The following ACSS2 variants were observed in gnomAD, a reference collection of about 807,000 sequenced individuals.
ACSS2 encodes the protein acetyl-coenzyme A synthetase, cytoplasmic.
A neutral mutation model predicts 90.6 loss-of-function variants in ACSS2; 58 were observed. That is an observed-to-expected ratio of 0.64 (90% CI 0.52 to 0.80). The LOEUF is 0.80. Among genes scored for constraint, ACSS2 ranks in the 30% least tolerant of loss-of-function variants. ACSS2 has a pLI of 0.00. For missense variants in ACSS2, 759 were observed against 912.0 expected, an observed-to-expected ratio of 0.83 and a Z score of 2.16; for synonymous variants, 300 against 330.9, an observed-to-expected ratio of 0.91 and a Z score of 1.01.
At chr20:34,898,261 T>G (rs2080516581) in intron 2 of ACSS2, among the ~76,000 whole-genome samples, 1 of 152,192 alleles carries the variant, frequency 6.6e-6, no homozygotes, top group Non-Finnish European at 1.5e-5. Flanking sequence ...CCTGCTTTTA[T>G]TCTCTTATCT....
chr20:34,886,795 T>C (rs1383462701), intron 2 of ACSS2, among the ~76,000 whole-genome samples: 2 of 152,238 alleles, frequency 1.3e-5, no homozygotes, highest in South Asian at 4.1e-4. Flanking sequence ...TTCTTACTAA[T>C]GCTTTTAAAA....
rs1300807970 is a variant in ACSS2 at position 34,914,402 on chromosome 20, T to C, written c.799T>C (p.Ser267Pro). 1.2e-6 allele frequency: 2 copies of C among 1,613,506 alleles called. No homozygotes were observed. The highest frequency in any genetic ancestry group is 2.7e-5 in the African/African-American group (2 of 74,872). Reference protein sequence around the residue: ...ELGMGDSTSQSPPIKRSCPDV... With the variant: ...ELGMGDSTSQPPPIKRSCPDV... ...CGGCATGGGTGACTCCACCAGCCAG[T>C]CCCCCCCAATTAAGAGGTCATGCCC... Residue 267 changes from serine to proline, a missense_variant, in exon 7 of 18, where the codon TCC becomes CCC. Transcript: ENST00000360596.
At chr20:34,912,685 G>A (rs1437081628) in intron 2 of ACSS2, among the ~76,000 whole-genome samples, 4 of 152,174 alleles carry the variant, frequency 2.6e-5, no homozygotes, top group African/African-American at 7.2e-5. Context: ...CTGGGGCCCA[G>A]GAATCTACAA....
intron 1 of ACSS2, among the ~76,000 whole-genome samples, chr20:34,879,543 A>C (rs887375826): frequency 2.7e-5 from 4 of 148,522 alleles, no homozygotes; most frequent in Non-Finnish European, 6.0e-5. Context: ...ACCCCCCCCA[A>C]AAAAACCCAG....
At position 34,885,191 on chromosome 20, in the gene ACSS2, C is replaced by A. The variant is rs566763209; in HGVS notation, c.374+2202C>A. ...CTCCAGCCTGGGCAACAGAGCAAGA[C>A]CCTGTCTCAAAAAGTAATAGTAATA... On this transcript the variant is annotated intron_variant, in intron 2 of 17. Transcript: ENST00000360596. Among the ~76,000 whole-genome samples the A allele has an allele frequency of 1.3e-4, 20 of 151,794 alleles. No individual in the cohort carries two copies. The South Asian group carries it at 2.9e-3, about 22-fold the overall frequency.
intron 2 of ACSS2, chr20:34,908,936 A>C (rs1328867575): frequency 2.2e-6 from 1 of 448,162 alleles, no homozygotes; most frequent in Admixed American, 2.4e-5. Flanking sequence ...CTACAGATAT[A>C]CTTGCAGGTG....
chr20:34,914,014 C>A (rs2081022686), intron 5 of ACSS2, 82 bp from the exon 6 acceptor site: 3 of 1,508,802 alleles, frequency 2.0e-6, no homozygotes, highest in Admixed American at 1.7e-5. Flanking sequence ...AAGAGGCCTA[C>A]TCAGGAAGGG....
At chr20:34,905,599 T>C (rs993500034) in intron 2 of ACSS2, among the ~76,000 whole-genome samples, 7 of 152,210 alleles carry the variant, frequency 4.6e-5, no homozygotes, top group African/African-American at 7.2e-5. Flanking sequence ...CAGGCTGCTA[T>C]TGAAAAATCG....
intron 2 of ACSS2, among the ~76,000 whole-genome samples, chr20:34,888,379 A>C (rs1463036260): frequency 1.3e-5 from 2 of 152,194 alleles, no homozygotes; most frequent in African/African-American, 2.4e-5. Flanking sequence ...ATAAAAAAAA[A>C]CATGTCAAAT....
intron 1 of ACSS2, among the ~76,000 whole-genome samples, chr20:34,880,182 T>C (rs918434970): frequency 7.0e-6 from 1 of 142,070 alleles, no homozygotes; most frequent in African/African-American, 3.1e-5. Context: ...TACTAATCAC[T>C]TTTTTTCTTT....
chr20:34,878,137 G>GTATTTT (rs1196941491), intron 1 of ACSS2, among the ~76,000 whole-genome samples: 2 of 152,176 alleles, frequency 1.3e-5, no homozygotes, highest in African/African-American at 4.8e-5. Flanking sequence ...GTTTTGCCAT[G>GTATTTT]TTGCCCAGGC....
intron 14 of ACSS2, among the ~76,000 whole-genome samples, chr20:34,923,815 C>T (rs921186963): frequency 2.7e-5 from 4 of 146,064 alleles, no homozygotes; most frequent in Non-Finnish European, 6.1e-5. Flanking sequence ...CCCCGCCCCC[C>T]CCACCTCCCC....
rs578138878 is a variant in ACSS2 at position 34,890,318 on chromosome 20, C to T, written c.374+7329C>T. On this transcript the variant is annotated intron_variant, in intron 2 of 17. Coordinates refer to ENST00000360596, the MANE Select transcript of ACSS2 (RefSeq NM_018677.4). ...AAATACAGACTTTGGTTCCAACTTTCTCATGCTGTCTTCCCCCTGGTGTGG... is the reference window on the plus strand; with the variant it reads ...AAATACAGACTTTGGTTCCAACTTTTTCATGCTGTCTTCCCCCTGGTGTGG... Among the ~76,000 whole-genome samples the T allele has an allele frequency of 1.5e-3, 226 of 152,256 alleles. 1 individual carries two copies. Among genetic ancestry groups the T allele is most frequent in the Non-Finnish European group, 2.8e-3 (190 of 68,010 alleles).
At chr20:34,902,306 T>A (rs940222002) in intron 2 of ACSS2, among the ~76,000 whole-genome samples, 1 of 152,102 alleles carries the variant, frequency 6.6e-6, no homozygotes, top group South Asian at 2.1e-4. Context: ...GTAATATTAA[T>A]TCTATTAATA....
At chr20:34,883,532 A>C (rs1306671177) in intron 2 of ACSS2, among the ~76,000 whole-genome samples, 2 of 152,260 alleles carry the variant, frequency 1.3e-5, no homozygotes, top group East Asian at 3.8e-4. Flanking sequence ...CTGAGATTCA[A>C]ACCTAGGCAG....
At chr20:34,901,060 G>A (rs748759715) in intron 2 of ACSS2, among the ~76,000 whole-genome samples, 12 of 152,026 alleles carry the variant, frequency 7.9e-5, no homozygotes, top group Non-Finnish European at 8.8e-5. Flanking sequence ...CAGTTCTTCC[G>A]CCACATTTCT....
At chr20:34,886,400 C>T (rs1359621892) in intron 2 of ACSS2, among the ~76,000 whole-genome samples, 1 of 152,004 alleles carries the variant, frequency 6.6e-6, no homozygotes, top group Non-Finnish European at 1.5e-5. Flanking sequence ...GGGCAGATCA[C>T]CTGAGGTCAG....
intron 7 of ACSS2, among the ~76,000 whole-genome samples, chr20:34,918,595 GTC>G (rs747103490): frequency 1.8e-3 from 269 of 152,276 alleles, no homozygotes; most frequent in Admixed American, 2.9e-3. Flanking sequence ...TCAAGCAAAA[GTC>G]TCTATGGGAA....
intron 2 of ACSS2, among the ~76,000 whole-genome samples, chr20:34,891,811 TGAA>T (rs2080343284): frequency 6.6e-6 from 1 of 152,178 alleles, no homozygotes; most frequent in East Asian, 1.9e-4. Flanking sequence ...CCTAAAGTGG[TGAA>T]AATGAGACAA....
Sources: allele counts gnomAD v4.1 joint callset (sites outside exome capture counted in the v4.1 genomes callset), GRCh38; gene constraint gnomAD v4.1.1; transcripts MANE v1.5; gene names NCBI Gene and HGNC (gene_info 2026-07-23, HGNC 2026-07-21).